IRS1: variants seen among roughly 807,000 people sequenced by gnomAD.
IRS1 encodes insulin receptor substrate 1.
IRS1 carries 34 observed loss-of-function variants against 65.6 expected under a neutral mutation model. The observed-to-expected ratio is 0.52, with a 90% CI of 0.39 to 0.69. The LOEUF (loss-of-function observed/expected upper bound fraction) is 0.69. Among genes scored for constraint, IRS1 ranks in the 30% least tolerant of loss-of-function variants. The pLI is 0.00. For missense variants in IRS1, 1,641 were observed against 1,720.2 expected, an observed-to-expected ratio of 0.95 and a Z score of 0.81; for synonymous variants, 699 against 683.5, an observed-to-expected ratio of 1.02 and a Z score of -0.35.
intron 1 of IRS1, among the ~76,000 whole-genome samples, chr2:226,758,188 G>A (rs1938843422): frequency 6.6e-6 from 1 of 152,160 alleles, no homozygotes; most frequent in Non-Finnish European, 1.5e-5. Context: ...ACTCATGTAT[G>A]AAGGTTGTTT....
rs1000238787 is a variant in IRS1 at position 226,732,514 on chromosome 2, CTA to C, written c.*3756_*3757del. ...TATACACACACACACATATGTGTAT[CTA>C]TATATGTGTGTATATATATCTATAT... On this transcript the variant is annotated 3_prime_UTR_variant, in exon 2 of 2. Transcript: ENST00000305123. The C allele has an allele frequency of 3.5e-5, 5 of 142,246 alleles. No individual in the cohort carries two copies. Among genetic ancestry groups the C allele is most frequent in the African/African-American group, 1.1e-4 (4 of 37,840 alleles). The allele number at this position is 142,246 out of a possible 1,614,324, so 8.8% of individuals were successfully genotyped here.
intron 1 of IRS1, among the ~76,000 whole-genome samples, chr2:226,761,068 C>T (rs1938906533): frequency 6.6e-6 from 1 of 152,200 alleles, no homozygotes. Flanking sequence ...GTTTTCCATG[C>T]TGCTTCCATG....
chr2:226,765,632 A>G (rs1939017323), intron 1 of IRS1, among the ~76,000 whole-genome samples: 1 of 152,128 alleles, frequency 6.6e-6, no homozygotes, highest in Non-Finnish European at 1.5e-5. Flanking sequence ...TGCCTACTCA[A>G]CAGCTGGCCT....
In IRS1 at chr2:226,785,843, T is replaced by C. The variant is rs570437928; in HGVS notation, c.*21+9146A>G. 4.1e-4 allele frequency among the ~76,000 whole-genome samples: 61 copies of C among 149,690 alleles called. 1 individual carries two copies. Among genetic ancestry groups the C allele is most frequent in the African/African-American group, 1.5e-3 (61 of 40,428 alleles). ...GTGCCATGCTGGTGCGCTGCACCCA[T>C]TAACTCGTCATTTAGCATTAGGTAT... On this transcript the variant is annotated intron_variant, in intron 1 of 1. Coordinates refer to ENST00000305123, the MANE Select transcript of IRS1 (RefSeq NM_005544.3).
chr2:226,787,173 A>G (rs950613819), intron 1 of IRS1, among the ~76,000 whole-genome samples: 1 of 152,112 alleles, frequency 6.6e-6, no homozygotes, highest in South Asian at 2.1e-4. Flanking sequence ...ACTGGGACTA[A>G]AGATCCAAAG....
Position 226,767,019 on chromosome 2 carries a change from T to TA in IRS1, c.*21+27969dup, listed in dbSNP as rs766001654. ...TTCCAGGAAGTTAGTAAAATCAAGT[T>TA]AAAAAAAAAAAAGGCAATGAAGGTC... On this transcript the variant is annotated intron_variant, in intron 1 of 1. Coordinates refer to ENST00000305123, the MANE Select transcript of IRS1 (RefSeq NM_005544.3). Among the ~76,000 whole-genome samples, 475 of 141,364 alleles carry TA rather than the reference T, an allele frequency of 3.4e-3. 4 individuals carry two copies. The highest frequency in any genetic ancestry group is 0.01 in the African/African-American group (400 of 38,522). 92.7% of individuals were successfully genotyped at this position (141,364 alleles called of 152,430 possible). A position where few individuals can be genotyped will look rare whatever the true frequency, so the allele number is the denominator to read the frequency against.
In IRS1 at chr2:226,794,454, C is replaced by T. The variant is rs147655519; in HGVS notation, c.*21+535G>A. On this transcript the variant is annotated intron_variant, in intron 1 of 1. Coordinates refer to ENST00000305123, the MANE Select transcript of IRS1 (RefSeq NM_005544.3). The surrounding 1 kb of genome is among the most constrained non-coding windows in gnomAD (Gnocchi z 4.1). ...TTTTTAGGGCAGGATGAATAGAAAT[C>T]AATGCTTCCCGCTGCTGTTTATGTT... Among the ~76,000 whole-genome samples, 12 of 152,326 alleles carry T rather than the reference C, an allele frequency of 7.9e-5. No homozygotes were observed. In the East Asian group the frequency reaches 2.1e-3, roughly 27 times the overall value.
intron 1 of IRS1, among the ~76,000 whole-genome samples, chr2:226,767,753 A>T (rs1939083963): frequency 6.6e-6 from 1 of 152,162 alleles, no homozygotes; most frequent in African/African-American, 2.4e-5. Context: ...TGATGCTGGT[A>T]ATGAATGTAT....
intron 1 of IRS1, among the ~76,000 whole-genome samples, chr2:226,757,702 A>C (rs949625233): frequency 6.6e-6 from 1 of 152,206 alleles, no homozygotes; most frequent in African/African-American, 2.4e-5. Context: ...TGTAGTTTTC[A>C]TTTCATATCT....
In IRS1 at chr2:226,775,605, G is replaced by A. The variant is rs577489510; in HGVS notation, c.*21+19384C>T. ...ATTTCCATGCTCTGTCAGCTGAGAA[G>A]GCAAAGAAGAAATGACATCTCAGTA... On this transcript the variant is annotated intron_variant, in intron 1 of 1. Transcript: ENST00000305123. Among the ~76,000 whole-genome samples the A allele has an allele frequency of 3.7e-4, 56 of 152,284 alleles. 1 individual carries two copies. The highest frequency in any genetic ancestry group is 1.3e-3 in the African/African-American group (54 of 41,564).
At chr2:226,764,235 G>T (rs1355558213) in intron 1 of IRS1, among the ~76,000 whole-genome samples, 1 of 151,852 alleles carries the variant, frequency 6.6e-6, no homozygotes, top group African/African-American at 2.4e-5. Flanking sequence ...AATGTGGCAA[G>T]AATCAGAGCT....
intron 1 of IRS1, among the ~76,000 whole-genome samples, chr2:226,783,571 A>G (rs1039616527): frequency 6.6e-6 from 1 of 151,754 alleles, no homozygotes; most frequent in Non-Finnish European, 1.5e-5. Context: ...GTGTTTTTCC[A>G]AAAAAAGTAG....
At position 226,732,641 on chromosome 2, in the gene IRS1, T is replaced by C. The variant is rs1938247086; in HGVS notation, c.*3631A>G. 6.7e-6 allele frequency: 1 copy of C among 150,218 alleles called. No individual in the cohort carries two copies. Among genetic ancestry groups the C allele is most frequent in the Non-Finnish European group, 1.5e-5 (1 of 67,668 alleles). The allele number at this position is 150,218 out of a possible 1,614,324, so 9.3% of individuals were successfully genotyped here. ...ATCCCACACACACGTCACATATATA[T>C]ACACACACACAAAGACACACACATG... On this transcript the variant is annotated 3_prime_UTR_variant, in exon 2 of 2. Transcript: ENST00000305123.
At chr2:226,760,622 C>A (rs1938898291) in intron 1 of IRS1, among the ~76,000 whole-genome samples, 1 of 152,088 alleles carries the variant, frequency 6.6e-6, no homozygotes, top group Non-Finnish European at 1.5e-5. Context: ...TCAACCCCAC[C>A]CCCCTCCACA....
rs142651295 is a variant in IRS1, at chr2:226,741,581, C to T, written c.*22-5331G>A. The stretch of plus-strand genomic sequence containing the variant: ...AACCTCTCTCTATTCTGTCTTCCCA[C>T]GTCTGTTGATTTCCTATTTCACACA... On this transcript the variant is annotated intron_variant, in intron 1 of 1. Transcript: ENST00000305123. 3.7e-4 allele frequency among the ~76,000 whole-genome samples: 57 copies of T among 152,202 alleles called. 1 individual carries two copies. The highest frequency in any genetic ancestry group is 1.2e-3 in the African/African-American group (48 of 41,522).
At chr2:226,787,756 G>C (rs1939513606) in intron 1 of IRS1, among the ~76,000 whole-genome samples, 1 of 152,040 alleles carries the variant, frequency 6.6e-6, no homozygotes, top group African/African-American at 2.4e-5. Flanking sequence ...TAAAACTCAA[G>C]GGTAAACATA....
intron 1 of IRS1, among the ~76,000 whole-genome samples, chr2:226,774,630 T>C (rs1035137504): frequency 1.2e-4 from 18 of 152,176 alleles, no homozygotes; most frequent in African/African-American, 2.7e-4. Flanking sequence ...AAATGTTTAG[T>C]ATTAAAGGAA....
intron 1 of IRS1, among the ~76,000 whole-genome samples, chr2:226,756,354 T>C (rs751471273): frequency 2.6e-5 from 4 of 152,092 alleles, no homozygotes; most frequent in African/African-American, 9.7e-5. Flanking sequence ...TGAATCACCA[T>C]CTCTCAAAAA....
At position 226,735,992 on chromosome 2, in the gene IRS1, A is replaced by G. The variant is rs966070999; in HGVS notation, c.*280T>C. ...GCTCACTGTGGCCAGCTAAGTCCTT[A>G]AGGTTGAAGATGAAGTTTATGCAGA... is the stretch of plus-strand genomic sequence containing the variant. On this transcript the variant is annotated 3_prime_UTR_variant, in exon 2 of 2. Coordinates refer to ENST00000305123, the MANE Select transcript of IRS1 (RefSeq NM_005544.3). 2 of 152,566 alleles carry G rather than the reference A, an allele frequency of 1.3e-5. No homozygotes were observed. The highest frequency in any genetic ancestry group is 4.8e-5 in the African/African-American group (2 of 41,436). The allele number at this position is 152,566 out of a possible 1,614,324, so 9.5% of individuals were successfully genotyped here.
Sources: allele counts gnomAD v4.1 joint callset (sites outside exome capture counted in the v4.1 genomes callset), GRCh38; gene constraint gnomAD v4.1.1; non-coding constraint Gnocchi (gnomAD v3.1); transcripts MANE v1.5; gene names NCBI Gene and HGNC (gene_info 2026-07-23, HGNC 2026-07-21).